The following GALK2 variants were observed in gnomAD, a reference collection of about 807,000 sequenced individuals.
The protein encoded by GALK2 is N-acetylgalactosamine kinase.
GALK2 carries 36 observed loss-of-function variants against 52.4 expected under a neutral mutation model. The observed-to-expected ratio is 0.69, with a 90% CI of 0.53 to 0.91. The LOEUF (loss-of-function observed/expected upper bound fraction) is 0.91. GALK2 is among the 40% of genes least tolerant of loss of function. The pLI is 0.00. For missense variants in GALK2, 579 were observed against 559.1 expected (o/e 1.04, Z -0.36); for synonymous variants, 176 against 199.1 (o/e 0.88, Z 0.98).
At chr15:49,316,956 A>G (rs551551373) in intron 8 of GALK2, among the ~76,000 whole-genome samples, 1 of 152,328 alleles carries the variant, frequency 6.6e-6, no homozygotes, top group East Asian at 1.9e-4. Flanking sequence ...TATACAGGTC[A>G]GCCTTTGGGG....
intron 3 of GALK2, among the ~76,000 whole-genome samples, chr15:49,358,914 A>G (rs2043675261): frequency 6.8e-6 from 1 of 147,640 alleles, no homozygotes. Flanking sequence ...AACAGAACAG[A>G]GCCCTCAGAA....
At chr15:49,250,422 G>A (rs1343817613) in intron 5 of GALK2, among the ~76,000 whole-genome samples, 2 of 152,086 alleles carry the variant, frequency 1.3e-5, no homozygotes, top group South Asian at 2.1e-4. Flanking sequence ...TTACTGTTAA[G>A]CACCTAGATG....
chr15:49,361,251 T>C (rs1555454242), intron 3 of GALK2, among the ~76,000 whole-genome samples: 9 of 152,188 alleles, frequency 5.9e-5, no homozygotes, highest in Non-Finnish European at 1.3e-4. Context: ...AATTTTTTTT[T>C]AACTTTTATT....
Position 49,170,543 on chromosome 15 carries a change from GC to G in GALK2, c.53+170del. On this transcript the variant is annotated intron_variant, in intron 1 of 9. Coordinates refer to ENST00000560031, the MANE Select transcript of GALK2 (RefSeq NM_002044.4). ...TGGCTGGGCTTGCAAAAAAGATCACGCCGCAAACACATTCTACCTTGACTAC... is the reference window on the plus strand; with the variant it reads ...TGGCTGGGCTTGCAAAAAAGATCACGCGCAAACACATTCTACCTTGACTAC... The G allele has an allele frequency of 1.9e-5, 12 of 629,012 alleles. No homozygotes were observed. The South Asian group carries it at 2.1e-4, about 11-fold the overall frequency. The allele number at this position is 629,012 out of a possible 1,614,324, so 39.0% of individuals were successfully genotyped here.
At chr15:49,288,060 G>A (rs1239822120) in intron 7 of GALK2, among the ~76,000 whole-genome samples, 2 of 152,154 alleles carry the variant, frequency 1.3e-5, no homozygotes, top group African/African-American at 4.8e-5. Flanking sequence ...AAGCAAACTC[G>A]AGATTTATAA....
At chr15:49,198,430 A>G (rs58022202) in intron 1 of GALK2, among the ~76,000 whole-genome samples, 1,849 of 152,282 alleles carry the variant, frequency 0.012, 36 homozygotes, top group African/African-American at 0.043. Flanking sequence ...AATCTTCCCA[A>G]CAAATCTATG....
intron 5 of GALK2, among the ~76,000 whole-genome samples, chr15:49,258,467 A>G (rs1290564365): frequency 6.6e-6 from 1 of 152,120 alleles, no homozygotes; most frequent in East Asian, 1.9e-4. Context: ...TGGGATATTG[A>G]TGCACTAACT....
intron 3 of GALK2, among the ~76,000 whole-genome samples, chr15:49,341,073 T>C (rs1239175296): frequency 1.3e-5 from 2 of 152,168 alleles, no homozygotes; most frequent in Admixed American, 1.3e-4. Context: ...CACATAGTTA[T>C]AGGTGTGTGG....
intron 8 of GALK2, among the ~76,000 whole-genome samples, chr15:49,313,917 G>C (rs2036201157): frequency 6.6e-6 from 1 of 151,942 alleles, no homozygotes. Flanking sequence ...ATAAAGAAGA[G>C]GCCACTAGCC....
chr15:49,244,246 G>A (rs1049141645), intron 5 of GALK2, among the ~76,000 whole-genome samples: 2 of 151,858 alleles, frequency 1.3e-5, no homozygotes, highest in South Asian at 2.1e-4. Flanking sequence ...CTGTCCAGAA[G>A]ATTTTTTTTT....
intron 8 of GALK2, among the ~76,000 whole-genome samples, chr15:49,305,302 C>T (rs978642942): frequency 2.0e-5 from 3 of 152,092 alleles, no homozygotes; most frequent in African/African-American, 7.2e-5. Flanking sequence ...CATATGAGAT[C>T]TCATTTGATC....
intron 1 of GALK2, among the ~76,000 whole-genome samples, chr15:49,171,920 C>A (rs1016956489): frequency 1.3e-5 from 2 of 152,000 alleles, no homozygotes; most frequent in African/African-American, 4.8e-5. Flanking sequence ...TACAAGTGCC[C>A]GCCACCACGC....
intron 1 of GALK2, among the ~76,000 whole-genome samples, chr15:49,164,310 A>G (rs991695664): frequency 2.0e-5 from 3 of 151,816 alleles, no homozygotes; most frequent in Admixed American, 6.6e-5. Flanking sequence ...AGATGCAGTT[A>G]TGTCAGTCAC....
intron 8 of GALK2, among the ~76,000 whole-genome samples, chr15:49,313,039 A>G (rs2036124063): frequency 6.6e-6 from 1 of 152,188 alleles, no homozygotes; most frequent in Non-Finnish European, 1.5e-5. Context: ...CCAGGCTGGC[A>G]TATAAACTAG....
chr15:49,267,161 A>G (rs372399557), intron 5 of GALK2, among the ~76,000 whole-genome samples: 3 of 152,304 alleles, frequency 2.0e-5, no homozygotes, highest in African/African-American at 7.2e-5. Context: ...ATTGGGCTCA[A>G]CTCTGAATAC....
chr15:49,198,238 G>A (rs1354816858), intron 1 of GALK2, among the ~76,000 whole-genome samples: 1 of 151,946 alleles, frequency 6.6e-6, no homozygotes, highest in Non-Finnish European at 1.5e-5. Context: ...GCAATGGCGC[G>A]GCCTCTGCTC....
At chr15:49,202,619 T>C (rs1009764008) in intron 2 of GALK2, among the ~76,000 whole-genome samples, 1 of 152,204 alleles carries the variant, frequency 6.6e-6, no homozygotes, top group African/African-American at 2.4e-5. Flanking sequence ...GACATTTATG[T>C]TGATTCTGTA....
intron 6 of GALK2, 100 bp from the exon 7 acceptor site, chr15:49,283,466 A>G (rs2032982475): frequency 1.1e-5 from 11 of 1,004,472 alleles, no homozygotes; most frequent in African/African-American, 1.6e-5. Flanking sequence ...GAATGAATGA[A>G]TGCATTTTTG....
chr15:49,238,388 A>G (rs1207758383), intron 4 of GALK2, among the ~76,000 whole-genome samples: 1 of 152,248 alleles, frequency 6.6e-6, no homozygotes. Context: ...ATTTGTAGAA[A>G]TAGAGTTTCC....
Sources: gnomAD v4.1 joint callset for allele counts (sites outside exome capture counted in the v4.1 genomes callset) on GRCh38, gnomAD v4.1.1 for gene constraint, MANE v1.5 for transcripts, NCBI Gene and HGNC (gene_info 2026-07-23, HGNC 2026-07-21) for gene names.